Variants in TNC observed in about 807,000 individuals in gnomAD.
The protein encoded by TNC is tenascin C.
A neutral mutation model predicts 202.4 loss-of-function variants in TNC; 109 were observed. The ratio of observed to expected loss-of-function variants is 0.54; its 90% CI spans 0.46 to 0.63. The LOEUF (loss-of-function observed/expected upper bound fraction) is 0.63, where lower values mean the gene tolerates loss of function less well. Ranked by LOEUF, TNC falls within the 30% of genes least tolerant of loss-of-function variation. The pLI is 0.00. For synonymous variants in TNC, 1,007 were observed against 1,089.7 expected (o/e 0.92, Z 1.50); for missense variants, 2,756 against 2,833.3 (o/e 0.97, Z 0.62).
chr9:115,109,861 G>C (rs1836906913), intron 1 of TNC, among the ~76,000 whole-genome samples: 1 of 152,200 alleles, frequency 6.6e-6, no homozygotes, highest in Admixed American at 6.5e-5. Context: ...CAAGCTCTGG[G>C]CTTTCTGAGC....
At chr9:115,042,171 C>A (rs1830806978) in intron 18 of TNC, 48 bp downstream of exon 18, 1 of 1,589,708 alleles carries the variant, frequency 6.3e-7, no homozygotes, top group African/African-American at 1.4e-5. Context: ...ATGAATCCAT[C>A]CAAACCCACA....
chr9:115,027,560 AGCCTCG>A (rs1285541633), intron 25 of TNC, among the ~76,000 whole-genome samples: 1 of 152,190 alleles, frequency 6.6e-6, no homozygotes, highest in East Asian at 1.9e-4. Flanking sequence ...ACTGCATTCC[AGCCTCG>A]GCGACAGAGT....
chr9:115,097,934 C>T (rs1448569641), intron 1 of TNC, among the ~76,000 whole-genome samples: 1 of 152,184 alleles, frequency 6.6e-6, no homozygotes, highest in Non-Finnish European at 1.5e-5. Context: ...TATGGCACCT[C>T]TGTAAGGCTA....
At chr9:115,062,459 C>T (rs557317378) in intron 13 of TNC, among the ~76,000 whole-genome samples, 1 of 151,768 alleles carries the variant, frequency 6.6e-6, no homozygotes, top group African/African-American at 2.4e-5. Flanking sequence ...ATACAAAAAA[C>T]TTAGCTGAGT....
At chr9:115,047,532 G>T (rs546810151) in intron 16 of TNC, among the ~76,000 whole-genome samples, 2 of 152,118 alleles carry the variant, frequency 1.3e-5, no homozygotes, top group African/African-American at 4.8e-5. Flanking sequence ...GATGATGCAC[G>T]TTAGGGTGTT....
At chr9:115,068,176 G>A (rs1247771149) in intron 10 of TNC, among the ~76,000 whole-genome samples, 1 of 152,174 alleles carries the variant, frequency 6.6e-6, no homozygotes, top group Non-Finnish European at 1.5e-5. Context: ...GAAGCCAAGT[G>A]TTTCCATTAT....
chr9:115,026,540 T>TCCCACTG lies in TNC; in HGVS notation c.6318_6324dup (p.Thr2109GlnfsTer6). ...CGTGCAGCCACTACTGTACCTGCTGTCCCACTGTACCCCTCCACCTTCAGC... is the reference window on the plus strand; with the variant it reads ...CGTGCAGCCACTACTGTACCTGCTGTCCCACTGCCCACTGTACCCCTCCACCTTCAGC... On this transcript the variant is annotated frameshift_variant, in exon 26 of 28. Coordinates refer to ENST00000350763, the MANE Select transcript of TNC (RefSeq NM_002160.4). LOFTEE classifies it high-confidence loss of function. 6.2e-7 allele frequency: 1 copy of TCCCACTG among 1,614,034 alleles called. No homozygotes were observed. The highest frequency in any genetic ancestry group is 1.7e-5 in the Admixed American group (1 of 60,014).
intron 24 of TNC, among the ~76,000 whole-genome samples, chr9:115,029,697 C>T (rs1244451016): frequency 6.6e-6 from 1 of 152,110 alleles, no homozygotes; most frequent in African/African-American, 2.4e-5. Context: ...AATGTAGGTT[C>T]ATTGATTGTA....
intron 22 of TNC, among the ~76,000 whole-genome samples, chr9:115,032,019 A>G (rs1829988155): frequency 6.6e-6 from 1 of 152,176 alleles, no homozygotes; most frequent in Admixed American, 6.5e-5. Flanking sequence ...GCCAAACTAT[A>G]TTGGGAGAAT....
chr9:115,029,351 C>T lies in TNC; in HGVS notation c.6169+9G>A, dbSNP rs765515443. 32 of 1,613,440 alleles carry T rather than the reference C, an allele frequency of 2.0e-5. No individual in the cohort carries two copies. The highest frequency in any genetic ancestry group is 2.6e-5 in the Non-Finnish European group (31 of 1,179,540). On this transcript the variant is annotated intron_variant, in intron 25 of 27. Coordinates refer to ENST00000350763, the MANE Select transcript of TNC (RefSeq NM_002160.4). ...GCATTTTAGATATAAACATGCAGGG[C>T]TGCATTACCAAGCCAGAATTCTTCT...
intron 1 of TNC, among the ~76,000 whole-genome samples, chr9:115,100,987 G>A (rs1272612967): frequency 1.3e-5 from 2 of 152,144 alleles, no homozygotes; most frequent in African/African-American, 4.8e-5. Context: ...AAATATCAGT[G>A]GTGGGATCCT....
At chr9:115,103,955 G>A (rs1458628675) in intron 1 of TNC, among the ~76,000 whole-genome samples, 1 of 149,024 alleles carries the variant, frequency 6.7e-6, no homozygotes. Flanking sequence ...ATGCTCAGAT[G>A]AAATATGACT....
At chr9:115,112,122 G>T (rs1837122411) in intron 1 of TNC, among the ~76,000 whole-genome samples, 1 of 152,170 alleles carries the variant, frequency 6.6e-6, no homozygotes, top group South Asian at 2.1e-4. Flanking sequence ...GAGAGAATAA[G>T]ACTCTGCTCA....
At chr9:115,113,906 G>A (rs919010326) in intron 1 of TNC, among the ~76,000 whole-genome samples, 4 of 152,174 alleles carry the variant, frequency 2.6e-5, no homozygotes, top group Admixed American at 1.3e-4. Flanking sequence ...AAGAGAAGCT[G>A]GAAATGTGAG....
intron 26 of TNC, among the ~76,000 whole-genome samples, chr9:115,024,390 C>T (rs990239181): frequency 2.6e-5 from 4 of 152,136 alleles, no homozygotes; most frequent in Non-Finnish European, 5.9e-5. Context: ...AGCTTCGAAT[C>T]CCATCTTTTC....
At chr9:115,036,423 C>T (rs532413715) in intron 20 of TNC, among the ~76,000 whole-genome samples, 182 bp from the exon 21 acceptor site, 11 of 152,224 alleles carry the variant, frequency 7.2e-5, no homozygotes, top group East Asian at 1.9e-4. Context: ...TCACCTCATA[C>T]GTAAAGGATT....
chr9:115,035,054 T>C, intron 22 of TNC, 150 bp downstream of exon 22: 1 of 784,040 alleles, frequency 1.3e-6, no homozygotes, highest in Non-Finnish European at 1.9e-6. Context: ...ATTCAGAAGG[T>C]CTGGCATGCC....
chr9:115,114,610 G>A (rs1837320102), intron 1 of TNC, among the ~76,000 whole-genome samples: 1 of 152,162 alleles, frequency 6.6e-6, no homozygotes, highest in Non-Finnish European at 1.5e-5. Context: ...AAAATCAATA[G>A]GCACCAATGC....
At chr9:115,096,384 A>G (rs1460279415) in intron 1 of TNC, among the ~76,000 whole-genome samples, 1 of 152,228 alleles carries the variant, frequency 6.6e-6, no homozygotes, top group Non-Finnish European at 1.5e-5. Flanking sequence ...TCAAGTACTT[A>G]AGAGCCCATG....
Sources: gnomAD v4.1 joint callset for allele counts (sites outside exome capture counted in the v4.1 genomes callset) on GRCh38, gnomAD v4.1.1 for gene constraint, MANE v1.5 for transcripts, NCBI Gene and HGNC (gene_info 2026-07-23, HGNC 2026-07-21) for gene names.